Variants in SPIDR observed in about 807,000 individuals in gnomAD.
The protein encoded by SPIDR is scaffold protein involved in DNA repair, also known as DNA repair-scaffolding protein.
Under a neutral mutation model 104.6 loss-of-function variants are expected in SPIDR, and 93 were observed. That is an observed-to-expected ratio of 0.89 (90% CI 0.75 to 1.06). The LOEUF is 1.06. Among genes scored for constraint, SPIDR ranks in the 50% least tolerant of loss-of-function variants. The probability of loss-of-function intolerance (pLI) is 0.00; values close to 1 mark genes in which losing one functional copy is unlikely to be tolerated. For synonymous variants in SPIDR, 431 were observed against 416.9 expected (o/e 1.03, Z -0.41); for missense variants, 1,154 against 1,111.2 (o/e 1.04, Z -0.55).
intron 8 of SPIDR, among the ~76,000 whole-genome samples, chr8:47,541,660 G>C (rs1348066171): frequency 1.3e-5 from 2 of 152,162 alleles, no homozygotes; most frequent in African/African-American, 4.8e-5. Context: ...ACTTTGGGAG[G>C]CCAAGGCAGG....
chr8:47,538,353 G>A (rs1564267679), intron 8 of SPIDR, among the ~76,000 whole-genome samples: 1 of 152,076 alleles, frequency 6.6e-6, no homozygotes, highest in Non-Finnish European at 1.5e-5. Context: ...AGACCGGCCT[G>A]GCCAACATGG....
At position 47,475,321 on chromosome 8, in the gene SPIDR, C is replaced by T. The variant is rs141952310; in HGVS notation, c.1097+34779C>T. On this transcript the variant is annotated intron_variant, in intron 8 of 19. Transcript: ENST00000297423. Reference sequence around the variant, plus strand: ...TGCCCTGCCGGGCCCAGAGCATGCTCGGATTGGAGTGCAGTCATGAAAGAT... The same window carrying T: ...TGCCCTGCCGGGCCCAGAGCATGCTTGGATTGGAGTGCAGTCATGAAAGAT... Among the ~76,000 whole-genome samples, 792 of 152,268 alleles carry T rather than the reference C, an allele frequency of 5.2e-3. 5 individuals are homozygous for T. Among genetic ancestry groups the T allele is most frequent in the African/African-American group, 0.018 (739 of 41,542 alleles).
At chr8:47,391,648 A>G (rs1460899833) in intron 5 of SPIDR, among the ~76,000 whole-genome samples, 1 of 152,132 alleles carries the variant, frequency 6.6e-6, no homozygotes, top group Non-Finnish European at 1.5e-5. Context: ...TTGGTTGTCT[A>G]CAGAAGACAT....
intron 7 of SPIDR, among the ~76,000 whole-genome samples, chr8:47,410,835 G>C (rs1206340581): frequency 1.3e-5 from 2 of 151,978 alleles, no homozygotes; most frequent in East Asian, 3.9e-4. Flanking sequence ...ACAGGCCTCA[G>C]TGTGTGATGT....
Position 47,512,147 on chromosome 8 carries a change from T to C in SPIDR, c.1097+71605T>C, listed in dbSNP as rs76585937. The C allele has an allele frequency of 1.5e-3, 631 of 425,266 alleles. 8 individuals are homozygous for C. Among genetic ancestry groups the C allele is most frequent in the African/African-American group, 0.012 (582 of 49,312 alleles). The allele number at this position is 425,266 out of a possible 1,614,324, so 26.3% of individuals were successfully genotyped here. Reference sequence around the variant, plus strand: ...GTCTTCTGTTGCTCCGCTGCCGTCTTCATCCCATGCGCCTCCCCACATCCA... The same window carrying C: ...GTCTTCTGTTGCTCCGCTGCCGTCTCCATCCCATGCGCCTCCCCACATCCA... On this transcript the variant is annotated intron_variant, in intron 8 of 19. Transcript: ENST00000297423.
At chr8:47,656,044 A>G (rs1264810633) in intron 10 of SPIDR, among the ~76,000 whole-genome samples, 1 of 152,224 alleles carries the variant, frequency 6.6e-6, no homozygotes, top group African/African-American at 2.4e-5. Flanking sequence ...CACCTGCCTC[A>G]TACCATACAC....
At chr8:47,666,148 G>C (rs964699352) in intron 10 of SPIDR, among the ~76,000 whole-genome samples, 1 of 151,672 alleles carries the variant, frequency 6.6e-6, no homozygotes, top group African/African-American at 2.4e-5. Context: ...TGTCCAATAG[G>C]GTGGCTACTA....
intron 6 of SPIDR, among the ~76,000 whole-genome samples, chr8:47,406,419 A>C (rs1343725969): frequency 6.6e-6 from 1 of 152,208 alleles, no homozygotes; most frequent in Admixed American, 6.5e-5. Flanking sequence ...AAGGGGAAGC[A>C]TAAACGAGTT....
intron 5 of SPIDR, among the ~76,000 whole-genome samples, chr8:47,353,982 G>T (rs922438492): frequency 6.6e-6 from 1 of 151,742 alleles, no homozygotes; most frequent in East Asian, 1.9e-4. Context: ...TGCTTTTAAG[G>T]CTTCATATAC....
chr8:47,455,997 A>C (rs563479384), intron 8 of SPIDR, among the ~76,000 whole-genome samples: 2 of 152,148 alleles, frequency 1.3e-5, no homozygotes, highest in Non-Finnish European at 2.9e-5. Context: ...GTATAAACCA[A>C]TTAGACCTAA....
chr8:47,548,850 A>G (rs1587576304), intron 8 of SPIDR, among the ~76,000 whole-genome samples: 1 of 152,176 alleles, frequency 6.6e-6, no homozygotes, highest in Non-Finnish European at 1.5e-5. Flanking sequence ...TACATGTGCC[A>G]TGTTGCTGTG....
chr8:47,597,481 G>A (rs544785009), intron 9 of SPIDR, among the ~76,000 whole-genome samples: 2 of 152,184 alleles, frequency 1.3e-5, no homozygotes, highest in East Asian at 3.9e-4. Flanking sequence ...ACATCACTAG[G>A]CAACAGGAAT....
At chr8:47,471,768 C>T (rs903828405) in intron 8 of SPIDR, among the ~76,000 whole-genome samples, 12 of 152,108 alleles carry the variant, frequency 7.9e-5, no homozygotes, top group Non-Finnish European at 1.6e-4. Flanking sequence ...TTATTGGCTA[C>T]TTCTTCTCTG....
intron 5 of SPIDR, among the ~76,000 whole-genome samples, chr8:47,338,865 C>CGA (rs2050226575): frequency 1.3e-5 from 2 of 152,128 alleles, no homozygotes; most frequent in South Asian, 4.1e-4. Flanking sequence ...GATACCATCC[C>CGA]AGCTGTTGTG....
intron 8 of SPIDR, among the ~76,000 whole-genome samples, chr8:47,554,092 G>T (rs1021162209): frequency 5.3e-5 from 8 of 152,126 alleles, no homozygotes; most frequent in Non-Finnish European, 1.2e-4. Context: ...AAATGTTGCT[G>T]CCTGATCCTT....
At chr8:47,305,725 A>AC (rs2042985998) in intron 5 of SPIDR, among the ~76,000 whole-genome samples, 3 of 152,236 alleles carry the variant, frequency 2.0e-5, no homozygotes, top group African/African-American at 7.2e-5. Flanking sequence ...GAGTTAGAAT[A>AC]AAATGATATG....
chr8:47,278,113 T>TA (rs1554555693), intron 1 of SPIDR, among the ~76,000 whole-genome samples: 5 of 151,256 alleles, frequency 3.3e-5, no homozygotes, highest in African/African-American at 9.7e-5. Context: ...TTTTTTTTTT[T>TA]ATTAATAGCC....
chr8:47,396,165 G>A (rs1311179655), intron 5 of SPIDR, among the ~76,000 whole-genome samples: 7 of 152,100 alleles, frequency 4.6e-5, no homozygotes, highest in African/African-American at 1.7e-4. Flanking sequence ...GATAAAGTCT[G>A]GCTTACAGTT....
chr8:47,485,563 G>A (rs1460548600), intron 8 of SPIDR, among the ~76,000 whole-genome samples: 1 of 152,244 alleles, frequency 6.6e-6, no homozygotes, highest in African/African-American at 2.4e-5. Context: ...CCTCAAGTGG[G>A]TCCTTGACCC....
Sources: gnomAD v4.1 joint callset for allele counts (sites outside exome capture counted in the v4.1 genomes callset) on GRCh38, gnomAD v4.1.1 for gene constraint, MANE v1.5 for transcripts, NCBI Gene and HGNC (gene_info 2026-07-23, HGNC 2026-07-21) for gene names.